MTHFD1L: variants seen among roughly 807,000 people sequenced by gnomAD.
MTHFD1L encodes monofunctional C1-tetrahydrofolate synthase, mitochondrial.
A neutral mutation model predicts 119.5 loss-of-function variants in MTHFD1L; 81 were observed. That is an observed-to-expected ratio of 0.68 (90% CI 0.57 to 0.82). MTHFD1L has a LOEUF of 0.82. Among genes scored for constraint, MTHFD1L ranks in the 40% least tolerant of loss-of-function variants. The pLI, the probability that MTHFD1L is intolerant of heterozygous loss-of-function variation, is 0.00. For synonymous variants in MTHFD1L, 430 were observed against 475.2 expected, an observed-to-expected ratio of 0.90 and a Z score of 1.24; for missense variants, 1,125 against 1,253.4, an observed-to-expected ratio of 0.90 and a Z score of 1.55.
intron 26 of MTHFD1L, among the ~76,000 whole-genome samples, chr6:151,043,151 AATGCAAG>A (rs1787388481): frequency 6.6e-6 from 1 of 152,232 alleles, no homozygotes; most frequent in Admixed American, 6.5e-5. Flanking sequence ...CCACTAAGCA[AATGCAAG>A]ATTGTTTTTC....
chr6:150,866,243 G>A (rs1778275407), intron 1 of MTHFD1L, 194 bp downstream of exon 1: 1 of 1,411,722 alleles, frequency 7.1e-7, no homozygotes, highest in South Asian at 1.5e-5. Flanking sequence ...GCGGAGAACG[G>A]GGGATCCAGT....
At position 151,017,126 on chromosome 6, in the gene MTHFD1L, G is replaced by T. The variant is rs1783202487; in HGVS notation, c.2586+1433G>T. Reference sequence around the variant, plus strand: ...CAGTAGTGTTAAGTACATTCACATTGTCATGCAGCCAATCTCCAGAACGCT... The same window carrying T: ...CAGTAGTGTTAAGTACATTCACATTTTCATGCAGCCAATCTCCAGAACGCT... On this transcript the variant is annotated intron_variant, in intron 24 of 27. Transcript: ENST00000367321. Among the ~76,000 whole-genome samples the T allele has an allele frequency of 2.6e-5, 4 of 152,026 alleles. No homozygotes were observed. In the South Asian group the frequency reaches 8.3e-4, roughly 32 times the overall value.
Position 151,039,895 on chromosome 6 carries a change from A to G in MTHFD1L, c.2847+2778A>G, listed in dbSNP as rs1210060897. Among the ~76,000 whole-genome samples the G allele has an allele frequency of 6.6e-6, 1 of 151,642 alleles. No individual in the cohort carries two copies. Among genetic ancestry groups the G allele is most frequent in the African/African-American group, 2.4e-5 (1 of 41,170 alleles). On this transcript the variant is annotated intron_variant, in intron 26 of 27. Coordinates refer to ENST00000367321, the MANE Select transcript of MTHFD1L (RefSeq NM_015440.5). This position sits in a 1 kb window ranked among gnomAD's most constrained non-coding sequence, Gnocchi z 4.4. ...GCGCCATTGCACTTCAGCCTGGGTGACAGAGCAAGACTTCATCTCTAAATA... is the reference window on the plus strand; with the variant it reads ...GCGCCATTGCACTTCAGCCTGGGTGGCAGAGCAAGACTTCATCTCTAAATA...
chr6:151,062,158 C>T lies in MTHFD1L; in HGVS notation c.2847+25041C>T, dbSNP rs145975089. Among the ~76,000 whole-genome samples, 548 of 152,234 alleles carry T rather than the reference C, an allele frequency of 3.6e-3. 1 individual carries two copies. The highest frequency in any genetic ancestry group is 0.012 in the African/African-American group (509 of 41,546). The stretch of plus-strand genomic sequence containing the variant: ...TCATTAAGACCTTTCTCTCCAAGGC[C>T]GGGTGCGGTGGCTCACGCCTGTAAT... On this transcript the variant is annotated intron_variant, in intron 26 of 27. Coordinates refer to ENST00000367321, the MANE Select transcript of MTHFD1L (RefSeq NM_015440.5).
At chr6:151,073,946 A>G (rs540846070) in intron 26 of MTHFD1L, among the ~76,000 whole-genome samples, 26 of 152,326 alleles carry the variant, frequency 1.7e-4, no homozygotes, top group Middle Eastern at 3.4e-3. Flanking sequence ...GATAGAAACT[A>G]TAAACTCATA....
rs763617740 is a variant in MTHFD1L at position 150,887,961 on chromosome 6, A to G, written c.760A>G (p.Thr254Ala). 5.6e-6 allele frequency: 9 copies of G among 1,604,974 alleles called. No homozygotes were observed. The East Asian group carries it at 2.0e-4, about 36-fold the overall frequency. The change falls in exon 7 of 28, where the codon ACA (threonine) becomes GCA (alanine). Residue 254 changes from threonine to alanine, a missense_variant. Physicochemically the swap from Thr to Ala is moderately conservative, Grantham distance 58. Transcript: ENST00000367321. ...CATGACAATGAGCATCCAGTGGAAA[A>G]CACGCCAGCTTCAAAGCAAGGTAAA... The part of the protein sequence containing the change: ...GSMTMSIQWK[T>A]RQLQSKLHEA...
At chr6:151,082,912 C>T (rs1383871126) in intron 26 of MTHFD1L, among the ~76,000 whole-genome samples, 1 of 152,202 alleles carries the variant, frequency 6.6e-6, no homozygotes, top group Non-Finnish European at 1.5e-5. Flanking sequence ...CCCGATAATG[C>T]TTTGCCCCAC....
intron 7 of MTHFD1L, among the ~76,000 whole-genome samples, chr6:150,902,756 TGAAAA>T (rs1259799550): frequency 1.3e-5 from 2 of 152,166 alleles, no homozygotes; most frequent in African/African-American, 2.4e-5. Context: ...TTATAGGTAA[TGAAAA>T]GAACAGGTTG....
At chr6:150,905,835 G>A in intron 8 of MTHFD1L, 74 bp downstream of exon 8, 5 of 1,186,754 alleles carry the variant, frequency 4.2e-6, no homozygotes, top group Non-Finnish European at 6.3e-6. Context: ...CTTTTCCTAA[G>A]AGGTTATGTT....
chr6:151,028,277 C>G (rs928368600), intron 24 of MTHFD1L, among the ~76,000 whole-genome samples: 2 of 152,086 alleles, frequency 1.3e-5, no homozygotes, highest in Non-Finnish European at 2.9e-5. Flanking sequence ...TTCCAATAAA[C>G]ATTGGAAAGG....
At chr6:151,090,371 A>C (rs759597100) in intron 26 of MTHFD1L, among the ~76,000 whole-genome samples, 10 of 152,226 alleles carry the variant, frequency 6.6e-5, no homozygotes, top group Non-Finnish European at 1.0e-4. Context: ...GGCTGAGGCC[A>C]CATTGTGCAG....
chr6:150,980,344 C>G (rs1316144423), intron 20 of MTHFD1L, among the ~76,000 whole-genome samples: 2 of 152,194 alleles, frequency 1.3e-5, no homozygotes. Context: ...TTCGTCCCCT[C>G]GCTGTCTGTT....
intron 24 of MTHFD1L, among the ~76,000 whole-genome samples, chr6:151,021,500 A>C (rs997277805): frequency 2.0e-5 from 3 of 152,164 alleles, no homozygotes; most frequent in Non-Finnish European, 4.4e-5. Flanking sequence ...GTGAGCTGAG[A>C]TCACACCACT....
intron 27 of MTHFD1L, among the ~76,000 whole-genome samples, chr6:151,097,614 G>T (rs993518792): frequency 6.6e-6 from 1 of 152,162 alleles, no homozygotes; most frequent in East Asian, 1.9e-4. Context: ...CTGGGAGGAG[G>T]TTATGAAGAA....
intron 16 of MTHFD1L, among the ~76,000 whole-genome samples, chr6:150,952,817 C>T (rs755734945): frequency 5.3e-5 from 8 of 152,146 alleles, no homozygotes; most frequent in African/African-American, 9.7e-5. Context: ...CGTGAGCCAC[C>T]GCGTCCAGCA....
At chr6:151,028,636 G>C (rs928252712) in intron 24 of MTHFD1L, among the ~76,000 whole-genome samples, 3 of 152,172 alleles carry the variant, frequency 2.0e-5, no homozygotes, top group African/African-American at 7.2e-5. Context: ...AATGGTGGTT[G>C]TCAGGGGCCA....
At chr6:151,078,920 G>A (rs1792845601) in intron 26 of MTHFD1L, among the ~76,000 whole-genome samples, 1 of 152,108 alleles carries the variant, frequency 6.6e-6, no homozygotes, top group Admixed American at 6.5e-5. Flanking sequence ...CCAGGATTAT[G>A]GTCAAGAAAG....
At chr6:151,063,941 C>T (rs577012253) in intron 26 of MTHFD1L, among the ~76,000 whole-genome samples, 30 of 150,772 alleles carry the variant, frequency 2.0e-4, no homozygotes, top group African/African-American at 7.3e-4. Context: ...AAGTTATGAG[C>T]ATTTCTGGAA....
intron 10 of MTHFD1L, among the ~76,000 whole-genome samples, chr6:150,923,536 T>TATTTATTTA (rs1478432146): frequency 7.5e-6 from 1 of 133,390 alleles, no homozygotes; most frequent in Non-Finnish European, 1.5e-5. Context: ...TTTATTTATT[T>TATTTATTTA]ATTTTTTCTT....
Sources: allele counts gnomAD v4.1 joint callset (sites outside exome capture counted in the v4.1 genomes callset), GRCh38; gene constraint gnomAD v4.1.1; non-coding constraint Gnocchi (gnomAD v3.1); transcripts MANE v1.5; gene names NCBI Gene and HGNC (gene_info 2026-07-23, HGNC 2026-07-21).